The following NR1H3 variants were observed in gnomAD, a reference collection of about 807,000 sequenced individuals.
The protein encoded by NR1H3 is nuclear receptor subfamily 1 group H member 3, also known as oxysterols receptor LXR-alpha.
In NR1H3, 19 loss-of-function variants were observed where a neutral mutation model predicts 48.1. That is an observed-to-expected ratio of 0.40 (90% CI 0.28 to 0.58). The LOEUF is 0.58. NR1H3 is among the 20% of genes least tolerant of loss of function. NR1H3 has a pLI of 0.50. For missense variants in NR1H3, 486 were observed against 595.9 expected (o/e 0.82, Z 1.92); for synonymous variants, 232 against 227.3 (o/e 1.02, Z -0.19).
intron 7 of NR1H3, among the ~76,000 whole-genome samples, chr11:47,263,601 CTTTTCT>C (rs1405610570): frequency 2.7e-5 from 4 of 145,810 alleles, no homozygotes; most frequent in Non-Finnish European, 6.0e-5. Flanking sequence ...CTTTTTTTTT[CTTTTCT>C]TTTTTTTTTT....
rs1381846531 is a variant in NR1H3 at position 47,261,261 on chromosome 11, A to T, written c.520A>T (p.Ile174Phe). ...REECVLSEEQ[I>F]RLKKLKRQEE... The stretch of plus-strand genomic sequence containing the variant: ...CTTAGGTGTCCTGTCAGAAGAACAG[A>T]TCCGCCTGAAGAAACTGAAGCGGCA... The change falls in exon 5 of 10, where the codon ATC becomes TTC. Residue 174 changes from isoleucine to phenylalanine, a missense_variant. Physicochemically the swap from Ile to Phe is conservative, Grantham distance 21 (BLOSUM62 0). Transcript: ENST00000441012. The T allele has an allele frequency of 1.2e-6, 2 of 1,612,678 alleles. No individual in the cohort carries two copies. Among genetic ancestry groups the T allele is most frequent in the Non-Finnish European group, 1.7e-6 (2 of 1,179,838 alleles).
chr11:47,255,595 TTCTCTCTCTCTCTCTCTCTC>T (rs1183559034), upstream of NR1H3, among the ~76,000 whole-genome samples: 1 of 61,370 alleles, frequency 1.6e-5, no homozygotes, highest in Admixed American at 1.8e-4. Context: ...CTTTCTTTCT[TTCTCTCTCTCTCTCTCTCTC>T]TCTTTCTTTC....
intron 7 of NR1H3, 146 bp downstream of exon 7, chr11:47,262,164 G>A (rs566209755): frequency 8.1e-6 from 5 of 619,948 alleles, no homozygotes; most frequent in Non-Finnish European, 1.4e-5. Context: ...CAGATCACCA[G>A]GTCAGTAGAT....
At chr11:47,265,441 C>G (rs1956360556) in intron 7 of NR1H3, among the ~76,000 whole-genome samples, 1 of 152,202 alleles carries the variant, frequency 6.6e-6, no homozygotes, top group African/African-American at 2.4e-5. Context: ...TAAAAGAAAT[C>G]TGACAAAGCC....
intron 7 of NR1H3, among the ~76,000 whole-genome samples, chr11:47,265,733 G>A (rs11039157): frequency 0.11 from 16,956 of 152,018 alleles, 1,093 homozygotes; most frequent in South Asian, 0.23. Flanking sequence ...TTAGCTGGGC[G>A]TGGTGACATG....
intron 7 of NR1H3, among the ~76,000 whole-genome samples, chr11:47,267,570 G>A (rs1183881697): frequency 6.6e-6 from 1 of 150,962 alleles, no homozygotes; most frequent in Non-Finnish European, 1.5e-5. Flanking sequence ...GTGCAGTAGT[G>A]CAATCTTGGG....
chr11:47,248,415 G>C, upstream of NR1H3: 2 of 1,532,268 alleles, frequency 1.3e-6, no homozygotes, highest in Non-Finnish European at 1.8e-6. Context: ...GGGGAAAAAA[G>C]ATAACCAAAG....
upstream of NR1H3, among the ~76,000 whole-genome samples, chr11:47,255,321 G>A (rs1057456370): frequency 8.5e-5 from 13 of 152,202 alleles, no homozygotes; most frequent in African/African-American, 3.1e-4. Context: ...AATGGAGCTC[G>A]GGTTACTTAC....
At chr11:47,249,100 G>C in intron 1 of NR1H3, 1 of 1,178,806 alleles carries the variant, frequency 8.5e-7, no homozygotes, top group Non-Finnish European at 1.2e-6. Context: ...CCCTTACCAA[G>C]GTGGCACTTG....
At chr11:47,261,750 G>A in intron 6 of NR1H3, 24 bp downstream of exon 6, 2 of 1,614,050 alleles carry the variant, frequency 1.2e-6, no homozygotes, top group Non-Finnish European at 1.7e-6. Context: ...GGCAAGGGAT[G>A]AAGGGAGAAG....
chr11:47,267,011 T>A (rs983552684), intron 7 of NR1H3, among the ~76,000 whole-genome samples: 1 of 152,050 alleles, frequency 6.6e-6, no homozygotes. Context: ...CTCAAGAATT[T>A]TAATGACAGA....
chr11:47,261,301 C>T lies in NR1H3; in HGVS notation c.560C>T (p.Ala187Val). The change falls in exon 5 of 10, where the codon GCT (alanine) becomes GTT (valine). Residue 187 changes from alanine (A) to valine (V), a missense_variant. Ala to Val is a moderately conservative substitution (Grantham distance 64, BLOSUM62 0). Transcript: ENST00000441012. ...KKLKRQEEEQAHATSLPPRAS... is the reference protein window; with the variant it reads ...KKLKRQEEEQVHATSLPPRAS... ...CTGAAGCGGCAAGAGGAGGAACAGG[C>T]TCATGCCACATCCTTGCCCCCCAGG... 1.3e-5 allele frequency: 21 copies of T among 1,614,054 alleles called. No individual in the cohort carries two copies. Among genetic ancestry groups the T allele is most frequent in the Admixed American group, 1.7e-5 (1 of 59,998 alleles).
At chr11:47,254,834 G>A (rs960345210), upstream of NR1H3, among the ~76,000 whole-genome samples, 2 of 151,074 alleles carry the variant, frequency 1.3e-5, no homozygotes, top group Admixed American at 6.6e-5. Flanking sequence ...TTTCTCATCT[G>A]GTTCCTTCTG....
intron 1 of NR1H3, among the ~76,000 whole-genome samples, chr11:47,249,764 G>A (rs1954468549): frequency 6.6e-6 from 1 of 152,102 alleles, no homozygotes. Flanking sequence ...TCTGCCTACT[G>A]GAAGCAAATC....
intron 7 of NR1H3, among the ~76,000 whole-genome samples, chr11:47,265,785 T>C (rs1956403519): frequency 1.3e-5 from 2 of 152,142 alleles, no homozygotes; most frequent in Non-Finnish European, 2.9e-5. Flanking sequence ...GGCAGGAGAA[T>C]TGCTTGAACC....
chr11:47,268,396 A>T, intron 9 of NR1H3, 41 bp downstream of exon 9: 1 of 1,601,826 alleles, frequency 6.2e-7, no homozygotes, highest in South Asian at 1.1e-5. Context: ...CTTCCCACAC[A>T]CAGGCCCATT....
At chr11:47,259,010 C>CT in intron 1 of NR1H3, 170 bp from the exon 2 acceptor site, 1 of 1,253,506 alleles carries the variant, frequency 8.0e-7, no homozygotes, top group Non-Finnish European at 1.1e-6. Flanking sequence ...GAACCTGTCT[C>CT]TAAAAAACAT....
chr11:47,265,971 A>G (rs1007560012), intron 7 of NR1H3, among the ~76,000 whole-genome samples: 3 of 152,206 alleles, frequency 2.0e-5, no homozygotes, highest in African/African-American at 4.8e-5. Flanking sequence ...CCCATTTTAC[A>G]GATGGGAAAA....
Position 47,261,579 on chromosome 11 carries a change from G to A in NR1H3, c.741G>A (p.Arg247=), listed in dbSNP as rs914558836. 9 of 1,614,098 alleles carry A rather than the reference G, an allele frequency of 5.6e-6. No individual in the cohort carries two copies. The highest frequency in any genetic ancestry group is 3.3e-5 in the Admixed American group (2 of 60,012). ...CCATGGCACCAGATCCCCATAGCCG[G>A]GAGGCCCGTCAGCAGCGCTTTGCCC... is the stretch of plus-strand genomic sequence containing the variant. ...PWPMAPDPHS[R]EARQQRFAHF... Residue 247 remains arginine, a synonymous_variant, in exon 6 of 10, where the codon CGG becomes CGA. Coordinates refer to ENST00000441012, the MANE Select transcript of NR1H3 (RefSeq NM_005693.4).
Sources: gnomAD v4.1 joint callset for allele counts (sites outside exome capture counted in the v4.1 genomes callset) on GRCh38, gnomAD v4.1.1 for gene constraint, MANE v1.5 for transcripts, NCBI Gene and HGNC (gene_info 2026-07-23, HGNC 2026-07-21) for gene names.